Variants in DIAPH3 observed in about 807,000 individuals in gnomAD.
DIAPH3 encodes diaphanous related formin 3.
In DIAPH3, 117 loss-of-function variants were observed where a neutral mutation model predicts 144.3. The observed-to-expected ratio is 0.81, with a 90% confidence interval of 0.70 to 0.95. The LOEUF (loss-of-function observed/expected upper bound fraction) is 0.95, where lower values mean the gene tolerates loss of function less well. Ranked by LOEUF, DIAPH3 falls within the 40% of genes least tolerant of loss-of-function variation. The probability of loss-of-function intolerance (pLI) is 0.00; values close to 1 mark genes in which losing one functional copy is unlikely to be tolerated. For missense variants in DIAPH3, 1,421 were observed against 1,412.7 expected, an observed-to-expected ratio of 1.01 and a Z score of -0.09; for synonymous variants, 519 against 488.9, an observed-to-expected ratio of 1.06 and a Z score of -0.81.
intron 24 of DIAPH3, among the ~76,000 whole-genome samples, chr13:59,827,366 G>T (rs973470215): frequency 3.9e-5 from 6 of 151,942 alleles, no homozygotes; most frequent in Non-Finnish European, 8.8e-5. Context: ...TCAAAAACTG[G>T]GCGAAGGATA....
chr13:59,964,675 G>T (rs545799137), intron 17 of DIAPH3, among the ~76,000 whole-genome samples: 6 of 151,834 alleles, frequency 4.0e-5, no homozygotes, highest in Non-Finnish European at 8.8e-5. Flanking sequence ...CATTTCTTCC[G>T]CACCCCAACA....
intron 5 of DIAPH3, among the ~76,000 whole-genome samples, chr13:60,019,228 A>G (rs910470605): frequency 4.6e-5 from 7 of 152,202 alleles, no homozygotes; most frequent in African/African-American, 1.7e-4. Flanking sequence ...GAAAAAAATT[A>G]TCAACTGATC....
chr13:59,799,351 C>G (rs1388323605), intron 25 of DIAPH3, among the ~76,000 whole-genome samples: 3 of 150,022 alleles, frequency 2.0e-5, no homozygotes, highest in East Asian at 4.0e-4. Context: ...AATAACAACT[C>G]TCTACTGAAA....
chr13:59,749,730 G>C (rs9528035), intron 27 of DIAPH3, among the ~76,000 whole-genome samples: 1 of 151,570 alleles, frequency 6.6e-6, no homozygotes, highest in African/African-American at 2.4e-5. Flanking sequence ...TTTCTTAAAA[G>C]AAAAAACAAC....
At chr13:59,966,347 T>A (rs2050050978) in intron 17 of DIAPH3, among the ~76,000 whole-genome samples, 1 of 152,008 alleles carries the variant, frequency 6.6e-6, no homozygotes, top group African/African-American at 2.4e-5. Flanking sequence ...AATATCTTGG[T>A]AATATGTAAA....
At chr13:59,683,606 T>A (rs2033059205) in intron 27 of DIAPH3, among the ~76,000 whole-genome samples, 1 of 152,044 alleles carries the variant, frequency 6.6e-6, no homozygotes, top group East Asian at 1.9e-4. Flanking sequence ...AGTGATAAAA[T>A]CTGGAAGAGT....
chr13:60,045,167 C>T (rs1476377952), intron 4 of DIAPH3, among the ~76,000 whole-genome samples: 1 of 151,800 alleles, frequency 6.6e-6, no homozygotes, highest in African/African-American at 2.4e-5. Flanking sequence ...CATGGAGAAA[C>T]CCATCTCTAC....
At chr13:59,681,604 T>G (rs924538455) in intron 27 of DIAPH3, among the ~76,000 whole-genome samples, 20 of 134,534 alleles carry the variant, frequency 1.5e-4, no homozygotes, top group African/African-American at 6.6e-4. Context: ...GTTTTAAGTG[T>G]TTTTTTTTTC....
At chr13:59,674,455 G>A (rs1161797790) in intron 27 of DIAPH3, among the ~76,000 whole-genome samples, 1 of 152,052 alleles carries the variant, frequency 6.6e-6, no homozygotes, top group Non-Finnish European at 1.5e-5. Context: ...TCTACTTTTC[G>A]ATGATTCATT....
chr13:59,766,242 T>C (rs111734697), intron 27 of DIAPH3, among the ~76,000 whole-genome samples: 1 of 152,154 alleles, frequency 6.6e-6, no homozygotes, highest in Non-Finnish European at 1.5e-5. Context: ...GGGAGGCACC[T>C]TGGCTACTTT....
intron 22 of DIAPH3, among the ~76,000 whole-genome samples, chr13:59,859,899 T>A (rs1401607871): frequency 6.6e-6 from 1 of 152,146 alleles, no homozygotes; most frequent in Non-Finnish European, 1.5e-5. Context: ...TATAACTATA[T>A]ATATGGGAAG....
At position 59,739,592 on chromosome 13, in the gene DIAPH3, G is replaced by GT. The variant is rs146751414; in HGVS notation, c.3319+34596dup. 7.6e-3 allele frequency among the ~76,000 whole-genome samples: 1,158 copies of GT among 152,166 alleles called. 37 individuals are homozygous for GT. The East Asian group carries it at 0.11, about 14-fold the overall frequency. On this transcript the variant is annotated intron_variant, in intron 27 of 27. Transcript: ENST00000400324. ...TGCTTTTACATATAGAACTTATTTA[G>GT]TAACCACAGACATCTACTAAATATG...
intron 20 of DIAPH3, among the ~76,000 whole-genome samples, chr13:59,882,560 A>C (rs999136881): frequency 2.6e-5 from 4 of 152,194 alleles, no homozygotes. Flanking sequence ...TTTCCTGCTA[A>C]GAAAACTAAA....
intron 17 of DIAPH3, among the ~76,000 whole-genome samples, chr13:59,952,108 T>C (rs1280825300): frequency 2.0e-5 from 3 of 152,126 alleles, no homozygotes; most frequent in South Asian, 2.1e-4. Flanking sequence ...CATGCTACAA[T>C]GCATACTCAA....
At chr13:60,027,474 T>C (rs1428562546) in intron 5 of DIAPH3, among the ~76,000 whole-genome samples, 2 of 152,134 alleles carry the variant, frequency 1.3e-5, no homozygotes. Context: ...TAGTTTCTTT[T>C]TGGCTATAAC....
intron 17 of DIAPH3, among the ~76,000 whole-genome samples, chr13:59,951,846 C>G (rs1384464486): frequency 1.3e-5 from 2 of 152,130 alleles, no homozygotes; most frequent in Non-Finnish European, 2.9e-5. Context: ...ACTGTGGAAA[C>G]AGCTTAGCAG....
chr13:60,078,801 A>G (rs2057456185), intron 4 of DIAPH3, among the ~76,000 whole-genome samples: 1 of 152,026 alleles, frequency 6.6e-6, no homozygotes, highest in Non-Finnish European at 1.5e-5. Flanking sequence ...TTAGCTTAGT[A>G]ACATATAATC....
At chr13:59,708,242 C>T (rs972902613) in intron 27 of DIAPH3, among the ~76,000 whole-genome samples, 3 of 151,486 alleles carry the variant, frequency 2.0e-5, no homozygotes, top group African/African-American at 4.9e-5. Context: ...AAAAAAAAAA[C>T]GTTTTAGAGA....
chr13:60,104,123 G>A (rs1379891409), intron 3 of DIAPH3, among the ~76,000 whole-genome samples: 5 of 152,004 alleles, frequency 3.3e-5, no homozygotes, highest in African/African-American at 1.2e-4. Context: ...CCAAGAACCT[G>A]GAACTTAGAA....
Sources: allele counts gnomAD v4.1 joint callset (sites outside exome capture counted in the v4.1 genomes callset), GRCh38; gene constraint gnomAD v4.1.1; transcripts MANE v1.5; gene names NCBI Gene and HGNC (gene_info 2026-07-23, HGNC 2026-07-21).